The following KCNAB1 variants were observed in gnomAD, a reference collection of about 807,000 sequenced individuals.
KCNAB1 encodes the protein potassium voltage-gated channel subfamily A regulatory beta subunit 1.
In KCNAB1, 35 loss-of-function variants were observed where a neutral mutation model predicts 64.6. The ratio of observed to expected loss-of-function variants is 0.54; its 90% CI spans 0.41 to 0.72. The LOEUF (loss-of-function observed/expected upper bound fraction) is 0.72, where lower values mean the gene tolerates loss of function less well. Among genes scored for constraint, KCNAB1 ranks in the 30% least tolerant of loss-of-function variants. The pLI is 0.00. For synonymous variants in KCNAB1, 177 were observed against 183.8 expected, an observed-to-expected ratio of 0.96 and a Z score of 0.30; for missense variants, 401 against 512.9, an observed-to-expected ratio of 0.78 and a Z score of 2.11.
intron 1 of KCNAB1, among the ~76,000 whole-genome samples, chr3:156,253,318 G>A (rs1043013536): frequency 1.3e-5 from 2 of 152,190 alleles, no homozygotes; most frequent in Non-Finnish European, 2.9e-5. Flanking sequence ...GAGATACGTG[G>A]CTGAAACAAA....
At chr3:156,474,508 GATAATATTC>G (rs1714189733) in intron 7 of KCNAB1, 1 of 368,104 alleles carries the variant, frequency 2.7e-6, no homozygotes, top group South Asian at 3.6e-5. Flanking sequence ...CTGTGAGAGT[GATAATATTC>G]CTGAAAAAGC....
At chr3:156,323,399 T>C (rs1355096930) in intron 1 of KCNAB1, among the ~76,000 whole-genome samples, 1 of 152,168 alleles carries the variant, frequency 6.6e-6, no homozygotes, top group Non-Finnish European at 1.5e-5. Context: ...GTATACAGAT[T>C]TGTGTTTATT....
chr3:156,171,187 G>GCACACACACACA (rs147202221), intron 1 of KCNAB1, among the ~76,000 whole-genome samples: 3,019 of 142,730 alleles, frequency 0.021, 59 homozygotes, highest in Admixed American at 0.042. Context: ...GAAACTTCAC[G>GCACACACACACA]CACACATACA....
intron 1 of KCNAB1, among the ~76,000 whole-genome samples, chr3:156,402,217 A>G (rs181300562): frequency 1.3e-5 from 2 of 152,302 alleles, no homozygotes; most frequent in Non-Finnish European, 2.9e-5. Context: ...GAAATGCAAC[A>G]ATCTTAGCGT....
At chr3:156,410,619 C>T (rs1156809609) in intron 1 of KCNAB1, among the ~76,000 whole-genome samples, 1 of 152,148 alleles carries the variant, frequency 6.6e-6, no homozygotes, top group African/African-American at 2.4e-5. Flanking sequence ...CTCATACTGC[C>T]ACTTTGTAGT....
intron 1 of KCNAB1, among the ~76,000 whole-genome samples, chr3:156,338,303 C>CTTTTTTTTTTTTT (rs34671816): frequency 0.035 from 1,362 of 39,452 alleles, 390 homozygotes; most frequent in Non-Finnish European, 0.045. Flanking sequence ...GGCATTTGCA[C>CTTTTTTTTTTTTT]TTTTTTTTTT....
chr3:156,447,043 A>G (rs1022790297), intron 2 of KCNAB1: 10 of 152,032 alleles, frequency 6.6e-5, no homozygotes, highest in African/African-American at 2.2e-4. Flanking sequence ...GCAAGCCCCT[A>G]CCTCACTGCT....
intron 1 of KCNAB1, among the ~76,000 whole-genome samples, chr3:156,204,811 G>T (rs564648007): frequency 6.6e-6 from 1 of 151,742 alleles, no homozygotes; most frequent in East Asian, 2.0e-4. Context: ...CAGTCTGGGC[G>T]ACAGAGTGAG....
intron 1 of KCNAB1, among the ~76,000 whole-genome samples, chr3:156,180,057 T>C (rs1249094344): frequency 6.6e-6 from 1 of 152,202 alleles, no homozygotes; most frequent in Non-Finnish European, 1.5e-5. Flanking sequence ...ATTGCCATCA[T>C]CCTCCTTCTA....
intron 1 of KCNAB1, among the ~76,000 whole-genome samples, chr3:156,253,582 C>T (rs574217431): frequency 1.3e-5 from 2 of 152,376 alleles, no homozygotes; most frequent in East Asian, 1.9e-4. Context: ...CATACACCTA[C>T]TCTTTTCCTT....
Position 156,291,907 on chromosome 3 carries a change from A to G in KCNAB1, c.276-129709A>G, listed in dbSNP as rs888908547. 6 of 1,613,936 alleles carry G rather than the reference A, an allele frequency of 3.7e-6. No individual in the cohort carries two copies. The African/African-American group carries it at 5.3e-5, about 14-fold the overall frequency. On this transcript the variant is annotated intron_variant, in intron 1 of 13. Transcript: ENST00000490337. ...GGGACCGTGCGCTGCCTGGGGAAGC[A>G]ATGCAAGTCTCCATAGCCTGCACAG...
At chr3:156,233,896 GAGTT>G (rs1716689647) in intron 1 of KCNAB1, among the ~76,000 whole-genome samples, 2 of 152,086 alleles carry the variant, frequency 1.3e-5, no homozygotes, top group South Asian at 2.1e-4. Context: ...TGTGGGAAAA[GAGTT>G]AGAGTAGGAG....
chr3:156,465,040 T>C (rs1300871545), intron 6 of KCNAB1, among the ~76,000 whole-genome samples: 1 of 152,220 alleles, frequency 6.6e-6, no homozygotes, highest in Non-Finnish European at 1.5e-5. Flanking sequence ...AAACATGTTA[T>C]GGATACTTTA....
intron 1 of KCNAB1, among the ~76,000 whole-genome samples, chr3:156,139,874 G>T (rs1184602958): frequency 6.6e-6 from 1 of 152,114 alleles, no homozygotes; most frequent in African/African-American, 2.4e-5. Flanking sequence ...TCTGGATGGG[G>T]AGTTAAGAGG....
chr3:156,507,867 A>G (rs1031440969), intron 8 of KCNAB1, among the ~76,000 whole-genome samples: 9 of 152,184 alleles, frequency 5.9e-5, no homozygotes, highest in African/African-American at 2.2e-4. Context: ...ACCATAGGAT[A>G]CTGTCAATAT....
chr3:156,466,810 T>TA (rs1253028999), intron 7 of KCNAB1, among the ~76,000 whole-genome samples: 3 of 152,126 alleles, frequency 2.0e-5, no homozygotes, highest in Non-Finnish European at 1.5e-5. Context: ...CTACTCTACT[T>TA]AATCGTGAAG....
intron 1 of KCNAB1, among the ~76,000 whole-genome samples, chr3:156,387,014 C>CTCTTGTTTTTTTTTTT (rs60888308): frequency 1.1e-5 from 1 of 90,526 alleles, no homozygotes; most frequent in Non-Finnish European, 2.1e-5. Context: ...TTCTCTCTCT[C>CTCTTGTTTTTTTTTTT]TTTTTTTTTT....
chr3:156,426,614 CCT>C (rs1344224189), intron 2 of KCNAB1, among the ~76,000 whole-genome samples: 3 of 152,160 alleles, frequency 2.0e-5, no homozygotes, highest in Non-Finnish European at 2.9e-5. Context: ...TCTAAAAAAT[CCT>C]CTGTCTTGCC....
intron 11 of KCNAB1, among the ~76,000 whole-genome samples, chr3:156,517,603 C>T (rs1717643938): frequency 6.6e-6 from 1 of 152,146 alleles, no homozygotes; most frequent in African/African-American, 2.4e-5. Flanking sequence ...AGAAGGGAAG[C>T]ACTGAGAATT....
Sources: gnomAD v4.1 joint callset for allele counts (sites outside exome capture counted in the v4.1 genomes callset) on GRCh38, gnomAD v4.1.1 for gene constraint, MANE v1.5 for transcripts, NCBI Gene and HGNC (gene_info 2026-07-23, HGNC 2026-07-21) for gene names.